LYPD6B: variants seen among roughly 807,000 people sequenced by gnomAD.
The protein encoded by LYPD6B is ly6/PLAUR domain-containing protein 6B.
In LYPD6B, 17 loss-of-function variants were observed where a neutral mutation model predicts 22.8. The ratio of observed to expected loss-of-function variants is 0.75; its 90% confidence interval spans 0.51 to 1.12. The LOEUF is 1.12. Ranked by LOEUF, LYPD6B falls within the 50% of genes most tolerant of loss-of-function variation. The pLI, the probability that LYPD6B is intolerant of heterozygous loss-of-function variation, is 0.00. For missense variants in LYPD6B, 221 were observed against 258.3 expected, an observed-to-expected ratio of 0.86 and a Z score of 0.99; for synonymous variants, 106 against 91.6, an observed-to-expected ratio of 1.16 and a Z score of -0.90.
At chr2:149,108,376 A>G (rs952644315) in intron 1 of LYPD6B, among the ~76,000 whole-genome samples, 16 of 152,234 alleles carry the variant, frequency 1.1e-4, no homozygotes, top group African/African-American at 3.4e-4. Flanking sequence ...TTTGTTTCAC[A>G]TATTTCAAAG....
intron 1 of LYPD6B, among the ~76,000 whole-genome samples, chr2:149,059,842 C>T (rs6724307): frequency 0.19 from 29,114 of 152,194 alleles, 3,179 homozygotes; most frequent in East Asian, 0.34. Flanking sequence ...GCAGCCTGTG[C>T]ACTTGCCTGG....
intron 2 of LYPD6B, among the ~76,000 whole-genome samples, chr2:149,132,878 A>G (rs903148588): frequency 1.3e-5 from 2 of 152,186 alleles, no homozygotes; most frequent in African/African-American, 4.8e-5. Flanking sequence ...TGATGCTATT[A>G]TTTATTTACT....
At chr2:149,105,457 A>G (rs141084399) in intron 1 of LYPD6B, among the ~76,000 whole-genome samples, 1 of 152,322 alleles carries the variant, frequency 6.6e-6, no homozygotes, top group East Asian at 1.9e-4. Flanking sequence ...GCAGTAACTC[A>G]GCATTTATTT....
At chr2:149,207,261 CT>C (rs1225784695) in intron 4 of LYPD6B, among the ~76,000 whole-genome samples, 1 of 152,038 alleles carries the variant, frequency 6.6e-6, no homozygotes, top group East Asian at 1.9e-4. Flanking sequence ...ATATTTTGTT[CT>C]TGTTTTGTGC....
chr2:149,110,447 G>A (rs1277584388), intron 1 of LYPD6B, among the ~76,000 whole-genome samples: 2 of 151,952 alleles, frequency 1.3e-5, no homozygotes, highest in Admixed American at 1.3e-4. Flanking sequence ...AAATATTCTT[G>A]AACCTTGTTT....
At chr2:149,110,545 T>C (rs1020639741) in intron 1 of LYPD6B, among the ~76,000 whole-genome samples, 1 of 152,218 alleles carries the variant, frequency 6.6e-6, no homozygotes, top group Admixed American at 6.5e-5. Flanking sequence ...TAGGGCTTAG[T>C]ACTCCCCAAT....
At chr2:149,080,795 T>A (rs1158214438) in intron 1 of LYPD6B, among the ~76,000 whole-genome samples, 1 of 131,524 alleles carries the variant, frequency 7.6e-6, no homozygotes, top group Non-Finnish European at 1.5e-5. Context: ...TGAGCCAAGA[T>A]CGTGCCACTG....
chr2:149,044,569 G>A (rs895304864), intron 1 of LYPD6B, among the ~76,000 whole-genome samples: 6 of 151,888 alleles, frequency 4.0e-5, no homozygotes, highest in East Asian at 3.8e-4. Context: ...CCTAAATGCC[G>A]TGTCTTTCTT....
At chr2:149,040,046 A>G (rs1211888766) in intron 1 of LYPD6B, among the ~76,000 whole-genome samples, 1 of 152,102 alleles carries the variant, frequency 6.6e-6, no homozygotes, top group Non-Finnish European at 1.5e-5. Flanking sequence ...TCTCTTGTAT[A>G]TCTTAGCTGT....
chr2:149,184,285 C>T (rs1050383531), intron 3 of LYPD6B, among the ~76,000 whole-genome samples: 2 of 152,148 alleles, frequency 1.3e-5, no homozygotes, highest in African/African-American at 4.8e-5. Flanking sequence ...TTTTCTAATC[C>T]AGTGTGCAAC....
At chr2:149,052,097 A>G (rs1482778) in intron 1 of LYPD6B, among the ~76,000 whole-genome samples, 148,353 of 152,182 alleles carry the variant, frequency 0.97, 72,427 homozygotes, top group East Asian at 1. Context: ...TCGCTCTGTC[A>G]CTAGGCTGGA....
chr2:149,159,629 G>A (rs1049974031), intron 2 of LYPD6B, among the ~76,000 whole-genome samples: 1 of 144,970 alleles, frequency 6.9e-6, no homozygotes, highest in African/African-American at 2.6e-5. Flanking sequence ...TGTGTGTATA[G>A]AAAGAGAGAG....
chr2:149,199,658 C>G (rs1320735998), intron 3 of LYPD6B, among the ~76,000 whole-genome samples: 1 of 152,156 alleles, frequency 6.6e-6, no homozygotes, highest in Non-Finnish European at 1.5e-5. Context: ...AGCTCAACTT[C>G]TCTCTCCTAT....
At chr2:149,199,734 T>G (rs1559073592) in intron 3 of LYPD6B, among the ~76,000 whole-genome samples, 1 of 152,118 alleles carries the variant, frequency 6.6e-6, no homozygotes, top group African/African-American at 2.4e-5. Flanking sequence ...TATTTAAACT[T>G]GTGGGGGAAA....
intron 3 of LYPD6B, among the ~76,000 whole-genome samples, chr2:149,179,195 TG>T (rs1438807085): frequency 6.6e-6 from 1 of 152,174 alleles, no homozygotes. Context: ...GTTATCAGGC[TG>T]GGGACCTGAG....
At chr2:149,141,210 G>A (rs1688672713) in intron 2 of LYPD6B, among the ~76,000 whole-genome samples, 2 of 152,220 alleles carry the variant, frequency 1.3e-5, no homozygotes, top group African/African-American at 4.8e-5. Context: ...AGAGAGCTGA[G>A]TGAATGCAGG....
chr2:149,091,795 G>A lies in LYPD6B; in HGVS notation c.-66-39088G>A, dbSNP rs554904028. On this transcript the variant is annotated intron_variant, in intron 1 of 6. Transcript: ENST00000409642. ...ACTGTGCCACTTTTTGAAATAAAAT[G>A]TAGAGAAGTTACAGGCCTTTGTAGA... Among the ~76,000 whole-genome samples, 7 of 152,270 alleles carry A rather than the reference G, an allele frequency of 4.6e-5. No individual in the cohort carries two copies. The East Asian group carries it at 5.8e-4, about 13-fold the overall frequency.
At chr2:149,170,782 C>A (rs1690763481) in intron 3 of LYPD6B, among the ~76,000 whole-genome samples, 1 of 152,104 alleles carries the variant, frequency 6.6e-6, no homozygotes, top group Non-Finnish European at 1.5e-5. Flanking sequence ...CCCAACTAAT[C>A]CTTCCTAGGT....
chr2:149,124,401 AG>A (rs1687566429), intron 1 of LYPD6B, among the ~76,000 whole-genome samples: 1 of 152,170 alleles, frequency 6.6e-6, no homozygotes, highest in African/African-American at 2.4e-5. Context: ...ACCCACGTAA[AG>A]GTGTGTTTAG....
Sources: allele counts gnomAD v4.1 joint callset (sites outside exome capture counted in the v4.1 genomes callset), GRCh38; gene constraint gnomAD v4.1.1; transcripts MANE v1.5; gene names NCBI Gene and HGNC (gene_info 2026-07-23, HGNC 2026-07-21).